The following CALCR variants were observed in gnomAD, a reference collection of about 807,000 sequenced individuals.
The protein encoded by CALCR is calcitonin receptor.
A neutral mutation model predicts 59.5 loss-of-function variants in CALCR; 47 were observed. The observed-to-expected ratio is 0.79, with a 90% CI of 0.63 to 1.01. CALCR has a LOEUF of 1.01. CALCR is among the 50% of genes least tolerant of loss of function. CALCR has a pLI of 0.00. For missense variants in CALCR, 566 were observed against 597.1 expected (o/e 0.95, Z 0.54); for synonymous variants, 213 against 211.3 (o/e 1.01, Z -0.07).
At chr7:93,559,325 GACACA>G (rs1440151726) in intron 2 of CALCR, among the ~76,000 whole-genome samples, 1 of 151,770 alleles carries the variant, frequency 6.6e-6, no homozygotes, top group African/African-American at 2.4e-5. Context: ...CAGTCCCTAA[GACACA>G]ACACATCAGT....
chr7:93,574,651 C>A (rs1214456754), intron 1 of CALCR, 41 bp downstream of exon 1: 1 of 152,440 alleles, frequency 6.6e-6, no homozygotes, highest in Non-Finnish European at 1.5e-5. Context: ...TGTTCTTTCC[C>A]CTGGCTTGCT....
At chr7:93,526,901 C>T (rs1788668176) in intron 2 of CALCR, among the ~76,000 whole-genome samples, 1 of 151,976 alleles carries the variant, frequency 6.6e-6, no homozygotes, top group Non-Finnish European at 1.5e-5. Context: ...TGGGTCACTC[C>T]ACTCCATGAA....
rs150157639 is a variant in CALCR at position 93,507,124 on chromosome 7, C to T, written c.-26-20117G>A. On this transcript the variant is annotated intron_variant, in intron 2 of 13. Transcript: ENST00000426151. ...TTAGCAGTGTGAGAATGGACTAATA[C>T]ATCAGGAAAGAATAAAGTCCCAAAG... Among the ~76,000 whole-genome samples, 325 of 152,160 alleles carry T rather than the reference C, an allele frequency of 2.1e-3. 1 individual carries two copies. The highest frequency in any genetic ancestry group is 6.9e-3 in the African/African-American group (285 of 41,522).
chr7:93,433,924 G>T (rs1322479392), intron 13 of CALCR, among the ~76,000 whole-genome samples: 1 of 152,208 alleles, frequency 6.6e-6, no homozygotes, highest in Non-Finnish European at 1.5e-5. Context: ...CCCTAGTGAG[G>T]GCTCGGGTCT....
rs760736189 is a variant in CALCR, at chr7:93,479,431, A to G, written c.128T>C (p.Val43Ala). 1.2e-6 allele frequency: 2 copies of G among 1,612,598 alleles called. No homozygotes were observed. ...TIEPKPFLYV[V>A]GRKKMMDAQY... ...TGCATCCATCATCTTCTTTCGTCCT[A>G]CGACGTAAAGAAATGGCTTGGGCTC... The change falls in exon 4 of 14, where the codon GTA (valine) becomes GCA (alanine). Residue 43 changes from valine to alanine, a missense_variant. Physicochemically the swap from Val to Ala is moderately conservative, Grantham distance 64. Coordinates refer to ENST00000426151, the MANE Select transcript of CALCR (RefSeq NM_001742.4).
chr7:93,572,650 C>T (rs1790034044), intron 2 of CALCR, among the ~76,000 whole-genome samples: 1 of 152,154 alleles, frequency 6.6e-6, no homozygotes, highest in African/African-American at 2.4e-5. Flanking sequence ...TGCCATGGCA[C>T]AACTAAACTA....
rs918124078 is a variant in CALCR, at chr7:93,457,445, G to A, written c.648+3376C>T. Among the ~76,000 whole-genome samples, 3 of 152,142 alleles carry A rather than the reference G, an allele frequency of 2.0e-5. No homozygotes were observed. The South Asian group carries it at 6.2e-4, about 32-fold the overall frequency. ...ATAGGTTGAACAAGATCTCACAGTG[G>A]ATAAGAAGTCCCTTTTACATTTACA... is the stretch of plus-strand genomic sequence containing the variant. On this transcript the variant is annotated intron_variant, in intron 8 of 13. Transcript: ENST00000426151.
chr7:93,479,534 T>A (rs774199670), intron 3 of CALCR, 27 bp from the exon 4 acceptor site: 4 of 1,599,042 alleles, frequency 2.5e-6, no homozygotes, highest in Non-Finnish European at 3.4e-6. Context: ...AATCAGTTAC[T>A]TATAGACAGG....
At position 93,468,701 on chromosome 7, in the gene CALCR, G is replaced by A. The variant is rs1345638344; in HGVS notation, c.521+14C>T. 6.4e-7 allele frequency: 1 copy of A among 1,550,662 alleles called. No individual in the cohort carries two copies. The highest frequency in any genetic ancestry group is 1.4e-5 in the African/African-American group (1 of 73,576). On this transcript the variant is annotated intron_variant, in intron 7 of 13. Transcript: ENST00000426151. ...AAGGAGGAAATAAAGAGCAGATGCT[G>A]TGAGTGTACTTACCTGAAAAACACG...
chr7:93,481,775 T>A (rs1034904131), intron 3 of CALCR, among the ~76,000 whole-genome samples: 6 of 151,924 alleles, frequency 3.9e-5, no homozygotes, highest in African/African-American at 1.4e-4. Flanking sequence ...TAATGTCTCT[T>A]GAATTTATGT....
chr7:93,468,956 A>C, intron 6 of CALCR, 150 bp from the exon 7 acceptor site: 1 of 478,914 alleles, frequency 2.1e-6, no homozygotes. Context: ...AGATAGTGAA[A>C]TTAATTTTTA....
chr7:93,515,812 A>G (rs1324158308), intron 2 of CALCR, among the ~76,000 whole-genome samples: 1 of 152,018 alleles, frequency 6.6e-6, no homozygotes, highest in Admixed American at 6.6e-5. Context: ...AAAGTGATTT[A>G]AGAAATGTCA....
rs539329705 is a variant in CALCR, at chr7:93,457,647, C to T, written c.648+3174G>A. Among the ~76,000 whole-genome samples, 22 of 152,272 alleles carry T rather than the reference C, an allele frequency of 1.4e-4. No homozygotes were observed. In the East Asian group the frequency reaches 1.5e-3, roughly 11 times the overall value. On this transcript the variant is annotated intron_variant, in intron 8 of 13. Transcript: ENST00000426151. The stretch of plus-strand genomic sequence containing the variant: ...CTCCGTACAGAGAGTAACTTTCCTA[C>T]GGTTTCTACTCTTAATGGGAAATGG...
At chr7:93,459,674 G>A (rs2115799247) in intron 8 of CALCR, among the ~76,000 whole-genome samples, 1 of 152,208 alleles carries the variant, frequency 6.6e-6, no homozygotes, top group Non-Finnish European at 1.5e-5. Flanking sequence ...TCATATTTAT[G>A]AAATCTCCCC....
intron 2 of CALCR, among the ~76,000 whole-genome samples, chr7:93,563,142 T>C (rs1212104598): frequency 3.3e-5 from 5 of 152,144 alleles, no homozygotes; most frequent in Admixed American, 3.3e-4. Context: ...AGTGCCAAGG[T>C]AGTCATCATA....
chr7:93,569,429 T>A (rs1003797743), intron 2 of CALCR, among the ~76,000 whole-genome samples: 9 of 152,152 alleles, frequency 5.9e-5, no homozygotes, highest in African/African-American at 2.2e-4. Flanking sequence ...CAATCTGGTG[T>A]CCTGCCTGTA....
intron 9 of CALCR, chr7:93,441,587 G>A: frequency 4.4e-6 from 2 of 451,936 alleles, no homozygotes; most frequent in Non-Finnish European, 8.9e-6. Flanking sequence ...AGACCATTTT[G>A]AGTAAATTTT....
At chr7:93,473,757 A>T (rs1181220736) in intron 5 of CALCR, among the ~76,000 whole-genome samples, 1 of 151,724 alleles carries the variant, frequency 6.6e-6, no homozygotes, top group Non-Finnish European at 1.5e-5. Flanking sequence ...ATTTTCTTTG[A>T]GCCCTGAGAA....
chr7:93,526,394 A>AG (rs1164943461), intron 2 of CALCR, among the ~76,000 whole-genome samples: 2 of 152,060 alleles, frequency 1.3e-5, no homozygotes, highest in East Asian at 3.9e-4. Flanking sequence ...ATAGCAAAGA[A>AG]GGGGGGAAAA....
Sources: allele counts gnomAD v4.1 joint callset (sites outside exome capture counted in the v4.1 genomes callset), GRCh38; gene constraint gnomAD v4.1.1; transcripts MANE v1.5; gene names NCBI Gene and HGNC (gene_info 2026-07-23, HGNC 2026-07-21).